The following SHISA9 variants were observed in gnomAD, a reference collection of about 807,000 sequenced individuals.
The protein encoded by SHISA9 is protein shisa-9.
A neutral mutation model predicts 38.0 loss-of-function variants in SHISA9; 13 were observed. That is an observed-to-expected ratio of 0.34 (90% confidence interval 0.22 to 0.54). The LOEUF is 0.54. Among genes scored for constraint, SHISA9 ranks in the 20% least tolerant of loss-of-function variants. The pLI is 0.91. For synonymous variants in SHISA9, 275 were observed against 242.0 expected, an observed-to-expected ratio of 1.14 and a Z score of -1.27; for missense variants, 538 against 575.8, an observed-to-expected ratio of 0.93 and a Z score of 0.67.
chr16:13,413,008 A>C, the SHISA9 span, among the ~76,000 whole-genome samples: 1 of 152,238 alleles, frequency 6.6e-6, no homozygotes, highest in African/African-American at 2.4e-5. Context: ...TGAATGAATA[A>C]AATGGTATAA....
intron 3 of SHISA9, 71 bp from the exon 4 acceptor site, chr16:13,213,182 G>A: frequency 1.4e-6 from 2 of 1,382,594 alleles, no homozygotes; most frequent in South Asian, 1.3e-5. Flanking sequence ...CAGCACCTGG[G>A]TGTGAGGGCA....
At chr16:13,543,113 T>A in the SHISA9 span, among the ~76,000 whole-genome samples, 1 of 152,206 alleles carries the variant, frequency 6.6e-6, no homozygotes, top group Non-Finnish European at 1.5e-5. Flanking sequence ...GGCAAGATGC[T>A]GGAGATACAG....
At chr16:13,517,288 T>C in the SHISA9 span, among the ~76,000 whole-genome samples, 3 of 152,170 alleles carry the variant, frequency 2.0e-5, no homozygotes, top group Non-Finnish European at 2.9e-5. Flanking sequence ...CAAAAGGAAC[T>C]ACCCTGAAGA....
intron 4 of SHISA9, among the ~76,000 whole-genome samples, chr16:13,228,836 C>T (rs572284391): frequency 1.3e-5 from 2 of 152,092 alleles, no homozygotes; most frequent in South Asian, 4.2e-4. Context: ...TTTCCTGATC[C>T]TCTCCCTCTT....
intron 2 of SHISA9, among the ~76,000 whole-genome samples, chr16:13,088,400 T>G (rs1369040354): frequency 1.3e-5 from 2 of 152,212 alleles, no homozygotes; most frequent in Non-Finnish European, 2.9e-5. Context: ...TAAATTACCT[T>G]GGGCAATATG....
chr16:13,145,113 C>A (rs566726820), intron 2 of SHISA9, among the ~76,000 whole-genome samples: 5 of 152,256 alleles, frequency 3.3e-5, no homozygotes, highest in East Asian at 3.9e-4. Context: ...CAGACCCTAT[C>A]GCAGGGATGA....
At position 13,235,538 on chromosome 16, in the gene SHISA9, CTA is replaced by C; in HGVS notation, c.*130_*131del. On this transcript the variant is annotated 3_prime_UTR_variant, in exon 5 of 5. Transcript: ENST00000558583. ...CACTCACTCTCAACAAGAACCAACTCTAAACCTACTGGGGACACAGAGTCGCG... is the reference window on the plus strand; with the variant it reads ...CACTCACTCTCAACAAGAACCAACTCAACCTACTGGGGACACAGAGTCGCG... 8.5e-7 allele frequency: 1 copy of C among 1,176,916 alleles called. No homozygotes were observed. Among genetic ancestry groups the C allele is most frequent in the South Asian group, 1.6e-5 (1 of 60,854 alleles). The allele number at this position is 1,176,916 out of a possible 1,614,324, so 72.9% of individuals were successfully genotyped here.
At chr16:13,512,895 C>G in the SHISA9 span, among the ~76,000 whole-genome samples, 1 of 152,160 alleles carries the variant, frequency 6.6e-6, no homozygotes, top group Non-Finnish European at 1.5e-5. Flanking sequence ...AAACCCAAAA[C>G]TATAAAAACC....
intron 2 of SHISA9, among the ~76,000 whole-genome samples, chr16:13,127,170 GGA>G (rs1218516569): frequency 8.0e-5 from 11 of 137,802 alleles, no homozygotes; most frequent in Non-Finnish European, 1.3e-4. Flanking sequence ...GAGGGAAGGG[GGA>G]GAGAGTGAGG....
At chr16:13,301,983 T>C in the SHISA9 span, among the ~76,000 whole-genome samples, 2 of 152,196 alleles carry the variant, frequency 1.3e-5, no homozygotes, top group Non-Finnish European at 2.9e-5. Flanking sequence ...GTAGCAATTT[T>C]ACTATTGCAG....
At chr16:13,022,258 C>A (rs530761521) in intron 2 of SHISA9, among the ~76,000 whole-genome samples, 2 of 151,602 alleles carry the variant, frequency 1.3e-5, no homozygotes, top group African/African-American at 2.4e-5. Flanking sequence ...CTGAAGCCAT[C>A]CTCTCACCTC....
intron 2 of SHISA9, among the ~76,000 whole-genome samples, chr16:13,193,285 G>A (rs2050904690): frequency 6.6e-6 from 1 of 152,174 alleles, no homozygotes; most frequent in African/African-American, 2.4e-5. Context: ...TGTAAAATAG[G>A]ATGGTTTAAC....
chr16:13,301,023 C>G, the SHISA9 span, among the ~76,000 whole-genome samples: 1 of 151,850 alleles, frequency 6.6e-6, no homozygotes, highest in Admixed American at 6.6e-5. Context: ...CTTTTCTATT[C>G]TTTTATCACC....
intron 4 of SHISA9, among the ~76,000 whole-genome samples, chr16:13,221,385 G>A (rs2051223667): frequency 6.6e-6 from 1 of 150,556 alleles, no homozygotes; most frequent in South Asian, 2.1e-4. Context: ...ACAGCCTCTG[G>A]AATCTGCACA....
chr16:13,413,968 G>T, the SHISA9 span, among the ~76,000 whole-genome samples: 1 of 152,082 alleles, frequency 6.6e-6, no homozygotes, highest in Non-Finnish European at 1.5e-5. Flanking sequence ...GCAATGGCTG[G>T]AACCAATGTC....
intron 2 of SHISA9, among the ~76,000 whole-genome samples, chr16:13,047,717 G>T (rs556354461): frequency 1.3e-5 from 2 of 152,266 alleles, no homozygotes; most frequent in East Asian, 3.9e-4. Context: ...ATCTGTGCAA[G>T]ATTCTTTGCA....
chr16:13,360,337 T>G, the SHISA9 span, among the ~76,000 whole-genome samples: 1 of 152,184 alleles, frequency 6.6e-6, no homozygotes, highest in Non-Finnish European at 1.5e-5. Flanking sequence ...TGATATGGTT[T>G]GGCTATGTCA....
At chr16:13,286,807 A>G in the SHISA9 span, among the ~76,000 whole-genome samples, 1 of 152,232 alleles carries the variant, frequency 6.6e-6, no homozygotes, top group Non-Finnish European at 1.5e-5. Flanking sequence ...ACGTAAAGCC[A>G]TAAAAATGAT....
rs1035459192 is a variant in SHISA9, at chr16:13,007,459, C to T, written c.691+90644C>T. Among the ~76,000 whole-genome samples, 13 of 152,136 alleles carry T rather than the reference C, an allele frequency of 8.5e-5. No individual in the cohort carries two copies. The South Asian group carries it at 1.2e-3, about 15-fold the overall frequency. ...GTGTTCTTTATTTCTTGCCTGTGGCCGCCATATTGGTCTCCCTTCCAACTA... is the reference window on the plus strand; with the variant it reads ...GTGTTCTTTATTTCTTGCCTGTGGCTGCCATATTGGTCTCCCTTCCAACTA... On this transcript the variant is annotated intron_variant, in intron 2 of 4. Coordinates refer to ENST00000558583, the MANE Select transcript of SHISA9 (RefSeq NM_001145204.3).
Sources: gnomAD v4.1 joint callset for allele counts (sites outside exome capture counted in the v4.1 genomes callset) on GRCh38, gnomAD v4.1.1 for gene constraint, MANE v1.5 for transcripts, NCBI Gene and HGNC (gene_info 2026-07-23, HGNC 2026-07-21) for gene names.